The following DBP variants were observed in gnomAD, a reference collection of about 807,000 sequenced individuals.
DBP encodes D-box binding PAR bZIP transcription factor.
DBP carries 12 observed loss-of-function variants against 21.4 expected under a neutral mutation model. That is an observed-to-expected ratio of 0.56 (90% CI 0.36 to 0.91). DBP has a LOEUF of 0.91. Among genes scored for constraint, DBP ranks in the 40% least tolerant of loss-of-function variants. DBP has a pLI of 0.01. For missense variants in DBP, 423 were observed against 473.4 expected (o/e 0.89, Z 0.99); for synonymous variants, 213 against 224.9 (o/e 0.95, Z 0.47).
chr19:48,636,941 C>T lies in DBP; in HGVS notation c.54G>A (p.Pro18=). 2 of 1,571,604 alleles carry T rather than the reference C, an allele frequency of 1.3e-6. No individual in the cohort carries two copies. The highest frequency in any genetic ancestry group is 1.7e-6 in the Non-Finnish European group (2 of 1,159,874). The stretch of plus-strand genomic sequence containing the variant: ...CTCCCCCGCCAGGGGGTGTCCCGGC[C>T]GGGCCGCCCAGCAGCAGAGGGGCCG... The part of the protein sequence containing the change: ...RTPAPLLLGG[P]AGTPPGGGAL... The change falls in exon 1 of 4, where the codon CCG becomes CCA. Residue 18 remains proline, a synonymous_variant. Transcript: ENST00000222122.
In DBP at chr19:48,637,061, G is replaced by C. The variant is rs1180810396; in HGVS notation, c.-67C>G. On this transcript the variant is annotated 5_prime_UTR_variant, in exon 1 of 4. Transcript: ENST00000222122. ...CGAAGGGCTGGCCTGCCAGTCACCA[G>C]CACACTCCAGTGGTTTGGACGAGTG... 3 of 1,383,862 alleles carry C rather than the reference G, an allele frequency of 2.2e-6. No homozygotes were observed. The allele number at this position is 1,383,862 out of a possible 1,614,324, so 85.7% of individuals were successfully genotyped here. A position where few individuals can be genotyped will look rare whatever the true frequency, so the allele number is the denominator to read the frequency against.
intron 3 of DBP, 82 bp from the exon 4 acceptor site, chr19:48,631,134 G>T: frequency 7.9e-7 from 1 of 1,260,726 alleles, no homozygotes; most frequent in Admixed American, 2.1e-5. Flanking sequence ...CAGCAGCGGG[G>T]CCTAAACCAC....
intron 3 of DBP, chr19:48,632,931 A>T (rs1234509748): frequency 1.1e-5 from 2 of 184,762 alleles, no homozygotes; most frequent in Non-Finnish European, 2.3e-5. Context: ...CCCAAGTAAT[A>T]GGAGAAGCTC....
In DBP at chr19:48,630,713, C is replaced by T. The variant is rs1380501117; in HGVS notation, c.*124G>A. The T allele has an allele frequency of 1.4e-6, 2 of 1,406,204 alleles. No individual in the cohort carries two copies. The highest frequency in any genetic ancestry group is 1.4e-5 in the South Asian group (1 of 70,824). The allele number at this position is 1,406,204 out of a possible 1,614,324, so 87.1% of individuals were successfully genotyped here. A position where few individuals can be genotyped will look rare whatever the true frequency, so the allele number is the denominator to read the frequency against. On this transcript the variant is annotated 3_prime_UTR_variant, in exon 4 of 4. Coordinates refer to ENST00000222122, the MANE Select transcript of DBP (RefSeq NM_001352.5). The surrounding 1 kb of genome is among the most constrained non-coding windows in gnomAD (Gnocchi z 4.9). ...TTCTTAAAAATATAAATGTATTTAT[C>T]TGCATTATCACGTCCCTGGGGCACC...
chr19:48,635,459 C>G, intron 2 of DBP, 121 bp downstream of exon 2: 1 of 1,478,260 alleles, frequency 6.8e-7, no homozygotes, highest in Non-Finnish European at 9.0e-7. Context: ...CTCTCGACAA[C>G]TGGACACAGA....
At chr19:48,635,311 C>A in intron 2 of DBP, 2 of 1,269,854 alleles carry the variant, frequency 1.6e-6, no homozygotes, top group Non-Finnish European at 2.0e-6. Context: ...TCGTTTGTCC[C>A]CAAGTCCCAC....
In DBP at chr19:48,630,157, A is replaced by AG; in HGVS notation, c.*679dup. The AG allele has an allele frequency of 8.1e-7, 1 of 1,241,474 alleles. No individual in the cohort carries two copies. Among genetic ancestry groups the AG allele is most frequent in the Non-Finnish European group, 1.0e-6 (1 of 990,144 alleles). The allele number at this position is 1,241,474 out of a possible 1,614,324, so 76.9% of individuals were successfully genotyped here. A position where few individuals can be genotyped will look rare whatever the true frequency, so the allele number is the denominator to read the frequency against. ...GAATGTACTGGCTGGGGTAGGCCTC[A>AG]GTGAGTCGGCCGGTCAGGGCCCGCA... is the stretch of plus-strand genomic sequence containing the variant. On this transcript the variant is annotated 3_prime_UTR_variant, in exon 4 of 4. Transcript: ENST00000222122. The surrounding 1 kb of genome is among the most constrained non-coding windows in gnomAD (Gnocchi z 4.9).
Position 48,630,177 on chromosome 19 carries a change from C to G in DBP, c.*660G>C, listed in dbSNP as rs1408915206. On this transcript the variant is annotated 3_prime_UTR_variant, in exon 4 of 4. Transcript: ENST00000222122. This position sits in a 1 kb window ranked among gnomAD's most constrained non-coding sequence, Gnocchi z 4.9. ...GCCTCAGTGAGTCGGCCGGTCAGGG[C>G]CCGCAGCCTCGCCCCATCCACTCCG... is the stretch of plus-strand genomic sequence containing the variant. The G allele has an allele frequency of 8.0e-6, 10 of 1,247,296 alleles. No homozygotes were observed. The highest frequency in any genetic ancestry group is 1.0e-5 in the Non-Finnish European group (10 of 993,912). The allele number at this position is 1,247,296 out of a possible 1,614,324, so 77.3% of individuals were successfully genotyped here.
intron 2 of DBP, chr19:48,634,286 T>A (rs1212639997): frequency 6.4e-6 from 1 of 155,264 alleles, no homozygotes; most frequent in African/African-American, 2.4e-5. Flanking sequence ...CGAGAAGCGA[T>A]GGGGCTATTG....
At chr19:48,634,923 C>A in intron 2 of DBP, 16 of 985,704 alleles carry the variant, frequency 1.6e-5, no homozygotes, top group Non-Finnish European at 1.9e-5. Context: ...CCTCCTGGAC[C>A]TTCCCAGAAC....
chr19:48,635,602 C>A lies in DBP; in HGVS notation c.528G>T (p.Gly176=). ...PGHAPARAAL[G]TASGHRAGLT... ...CACCTGCGCGGTGGCCGCTGGCGGT[C>A]CCGAGGGCAGCCCGGGCGGGGGCGT... Residue 176 remains glycine, a synonymous_variant, in exon 2 of 4, where the codon GGG becomes GGT. Coordinates refer to ENST00000222122, the MANE Select transcript of DBP (RefSeq NM_001352.5). 1.5e-6 allele frequency: 2 copies of A among 1,354,932 alleles called. No homozygotes were observed. The highest frequency in any genetic ancestry group is 1.5e-5 in the African/African-American group (1 of 64,814). 83.9% of individuals were successfully genotyped at this position (1,354,932 alleles called of 1,614,324 possible).
chr19:48,630,868 G>T lies in DBP; in HGVS notation c.947C>A (p.Ser316Tyr), dbSNP rs148363247. The T allele has an allele frequency of 5.2e-5, 84 of 1,605,940 alleles. No homozygotes were observed. In the South Asian group the frequency reaches 6.7e-4, roughly 13 times the overall value. The change falls in exon 4 of 4, where the codon TCC (serine) becomes TAC (tyrosine). Residue 316 changes from serine (S) to tyrosine (Y), a missense_variant. Physicochemically the swap from Ser to Tyr is moderately radical, Grantham distance 144 (BLOSUM62 -2). Transcript: ENST00000222122. The surrounding 1 kb of genome is among the most constrained non-coding windows in gnomAD (Gnocchi z 4.9). ...QELSHYRAVL[S>Y]RYQAQHGAL Reference sequence around the variant, plus strand: ...GGCCCCGTGCTGGGCCTGGTATCGGGACAGCACGGCGCGGTAGTGGGACAG... The same window carrying T: ...GGCCCCGTGCTGGGCCTGGTATCGGTACAGCACGGCGCGGTAGTGGGACAG...
intron 2 of DBP, 81 bp downstream of exon 2, chr19:48,635,499 C>A: frequency 6.8e-7 from 1 of 1,478,662 alleles, no homozygotes; most frequent in South Asian, 1.2e-5. Flanking sequence ...TCCCACGGTC[C>A]CAGCCCCCAG....
chr19:48,637,161 G>C lies in DBP; in HGVS notation c.-167C>G, dbSNP rs1800145880. 2 of 583,402 alleles carry C rather than the reference G, an allele frequency of 3.4e-6. No homozygotes were observed. Among genetic ancestry groups the C allele is most frequent in the Non-Finnish European group, 2.8e-6 (1 of 352,472 alleles). The allele number at this position is 583,402 out of a possible 1,614,324, so 36.1% of individuals were successfully genotyped here. On this transcript the variant is annotated 5_prime_UTR_variant, in exon 1 of 4. The change creates a new upstream start codon in the 5' untranslated region. Transcript: ENST00000222122. ...CGCTGCAAATCCTAGGAGCGACGGGGATTTGAGGTCCTCGGTGCAGAAACG... is the reference window on the plus strand; with the variant it reads ...CGCTGCAAATCCTAGGAGCGACGGGCATTTGAGGTCCTCGGTGCAGAAACG...
At position 48,630,321 on chromosome 19, in the gene DBP, T is replaced by A; in HGVS notation, c.*516A>T. ...GGGGCGGGGAAATTCATATCCCCTG[T>A]TCGTCTCATGCGCGTCCTCCGTCCC... On this transcript the variant is annotated 3_prime_UTR_variant, in exon 4 of 4. Coordinates refer to ENST00000222122, the MANE Select transcript of DBP (RefSeq NM_001352.5). This position sits in a 1 kb window ranked among gnomAD's most constrained non-coding sequence, Gnocchi z 4.9. 1 of 1,305,910 alleles carries A rather than the reference T, an allele frequency of 7.7e-7. No homozygotes were observed. The highest frequency in any genetic ancestry group is 9.7e-7 in the Non-Finnish European group (1 of 1,028,274). 80.9% of individuals were successfully genotyped at this position (1,305,910 alleles called of 1,614,324 possible).
rs1250186192 is a variant in DBP at position 48,635,636 on chromosome 19, G to A, written c.494C>T (p.Ser165Phe). ...AGCCCGGGCGGGGGCGTGCCCAGGAGAGGAGCGGGGGGAAGCCGAGCCGCA... is the reference window on the plus strand; with the variant it reads ...AGCCCGGGCGGGGGCGTGCCCAGGAAAGGAGCGGGGGGAAGCCGAGCCGCA... ...GSCGSASPRS[S>F]PGHAPARAAL... The change falls in exon 2 of 4, where the codon TCT becomes TTT. Residue 165 changes from serine (S) to phenylalanine (F), a missense_variant. Around this residue, in one of 4 missense-constraint regions of DBP, gnomAD observed 283 missense variants for 273.7 expected, o/e 1.03. Transcript: ENST00000222122. 2.3e-6 allele frequency: 3 copies of A among 1,327,492 alleles called. No individual in the cohort carries two copies. The highest frequency in any genetic ancestry group is 2.9e-6 in the Non-Finnish European group (3 of 1,047,030). 82.2% of individuals were successfully genotyped at this position (1,327,492 alleles called of 1,614,324 possible).
At chr19:48,634,017 T>C in intron 2 of DBP, 2 of 313,136 alleles carry the variant, frequency 6.4e-6, no homozygotes, top group South Asian at 3.0e-5. Context: ...GGAGAATTGC[T>C]TGAACCCGGA....
Position 48,636,948 on chromosome 19 carries a change from C to T in DBP, c.47G>A (p.Gly16Asp). The T allele has an allele frequency of 1.9e-6, 3 of 1,563,110 alleles. No homozygotes were observed. The highest frequency in any genetic ancestry group is 2.6e-6 in the Non-Finnish European group (3 of 1,155,842). ...SDRTPAPLLL[G>D]GPAGTPPGGG... ...GCCAGGGGGTGTCCCGGCCGGGCCG[C>T]CCAGCAGCAGAGGGGCCGGGGTCCT... Residue 16 changes from glycine (G) to aspartate (D), a missense_variant, in exon 1 of 4, where the codon GGC (glycine) becomes GAC (aspartate). Gly to Asp is a moderately conservative substitution (Grantham distance 94). This residue lies in a region of DBP where 283 missense variants were observed against 273.7 expected (regional missense o/e 1.03). Transcript: ENST00000222122.
At chr19:48,634,612 A>G (rs964425921) in intron 2 of DBP, 2 of 852,984 alleles carry the variant, frequency 2.3e-6, no homozygotes, top group Non-Finnish European at 1.4e-6. Context: ...GGCCCCCGCC[A>G]TCGGCGCCCT....
Sources: allele counts gnomAD v4.1 joint callset, GRCh38; gene constraint gnomAD v4.1.1; regional missense constraint gnomAD v4.1.1; non-coding constraint Gnocchi (gnomAD v3.1); transcripts MANE v1.5; gene names NCBI Gene and HGNC (gene_info 2026-07-23, HGNC 2026-07-21).